Variants in MTHFD1L observed in about 807,000 individuals in gnomAD.
MTHFD1L encodes monofunctional C1-tetrahydrofolate synthase, mitochondrial.
A neutral mutation model predicts 119.5 loss-of-function variants in MTHFD1L; 81 were observed. The observed-to-expected ratio is 0.68, with a 90% CI of 0.57 to 0.82. The LOEUF is 0.82. Ranked by LOEUF, MTHFD1L falls within the 40% of genes least tolerant of loss-of-function variation. The pLI, the probability that MTHFD1L is intolerant of heterozygous loss-of-function variation, is 0.00. For synonymous variants in MTHFD1L, 430 were observed against 475.2 expected (o/e 0.90, Z 1.24); for missense variants, 1,125 against 1,253.4 (o/e 0.90, Z 1.55).
chr6:151,045,248 AC>A (rs560005810), intron 26 of MTHFD1L, among the ~76,000 whole-genome samples: 2 of 151,250 alleles, frequency 1.3e-5, no homozygotes, highest in African/African-American at 2.4e-5. Context: ...TTAAACATTC[AC>A]CCCCCCGCCA....
chr6:151,063,827 A>G (rs59753885), intron 26 of MTHFD1L, among the ~76,000 whole-genome samples: 2,577 of 152,204 alleles, frequency 0.017, 73 homozygotes, highest in African/African-American at 0.056. Flanking sequence ...AGTTAATGAA[A>G]TATTTGAAAA....
chr6:151,088,821 C>T (rs1048790192), intron 26 of MTHFD1L, among the ~76,000 whole-genome samples: 1 of 152,158 alleles, frequency 6.6e-6, no homozygotes, highest in Non-Finnish European at 1.5e-5. Flanking sequence ...TGTTCCGATC[C>T]ACTGCAGCTA....
At chr6:150,976,542 G>A (rs542697160) in intron 20 of MTHFD1L, among the ~76,000 whole-genome samples, 3 of 152,294 alleles carry the variant, frequency 2.0e-5, no homozygotes, top group South Asian at 4.1e-4. Context: ...GTCTGAGCAG[G>A]AATTCATGTT....
chr6:150,880,282 G>A (rs1168556086), intron 4 of MTHFD1L, among the ~76,000 whole-genome samples: 1 of 151,980 alleles, frequency 6.6e-6, no homozygotes, highest in Non-Finnish European at 1.5e-5. Flanking sequence ...TCCAGCCTCT[G>A]GTAACCACCA....
chr6:150,945,604 T>A, intron 15 of MTHFD1L, 63 bp downstream of exon 15: 1 of 1,504,088 alleles, frequency 6.6e-7, no homozygotes, highest in Non-Finnish European at 9.2e-7. Flanking sequence ...AGAAAGATTG[T>A]CAAAGCCTGA....
At chr6:151,081,089 C>G (rs1293322933) in intron 26 of MTHFD1L, among the ~76,000 whole-genome samples, 1 of 152,192 alleles carries the variant, frequency 6.6e-6, no homozygotes. Flanking sequence ...TAAGCCACTT[C>G]TAGACCCAGT....
In MTHFD1L at chr6:150,882,785, C is replaced by T. The variant is rs569968062; in HGVS notation, c.441C>T (p.Ile147=). 6.5e-7 allele frequency: 1 copy of T among 1,537,220 alleles called. No individual in the cohort carries two copies. The highest frequency in any genetic ancestry group is 1.4e-5 in the African/African-American group (1 of 69,816). ...AGATTATAGATGAAATCTTAAAGAT[C>T]AATGAAGATACCAGAGTACATGGCC... ...EAEIIDEILK[I]NEDTRVHGLA... is the part of the protein sequence containing the mutation. Residue 147 remains isoleucine, a synonymous_variant, in exon 5 of 28, where the codon ATC becomes ATT. Coordinates refer to ENST00000367321, the MANE Select transcript of MTHFD1L (RefSeq NM_015440.5).
rs1388529176 is a variant in MTHFD1L, at chr6:150,865,939, CGGCGGT to C, written c.121_126del (p.Gly41_Gly42del). 10 of 1,215,608 alleles carry C rather than the reference CGGCGGT, an allele frequency of 8.2e-6. No individual in the cohort carries two copies. The highest frequency in any genetic ancestry group is 1.6e-5 in the African/African-American group (1 of 62,268). The allele number at this position is 1,215,608 out of a possible 1,614,324, so 75.3% of individuals were successfully genotyped here. A position where few individuals can be genotyped will look rare whatever the true frequency, so the allele number is the denominator to read the frequency against. ...CTAGCAGCGGCGGCGGCGGAGGCGG[CGGCGGT>C]GGCCGGGAGGGCCTGCTTGGACAGC... On this transcript the variant is annotated inframe_deletion, in exon 1 of 28. Transcript: ENST00000367321.
At chr6:150,901,069 G>A (rs536539317) in intron 7 of MTHFD1L, among the ~76,000 whole-genome samples, 96 of 151,998 alleles carry the variant, frequency 6.3e-4, no homozygotes, top group South Asian at 2.9e-3. Flanking sequence ...TCTGAGAAAA[G>A]TGATGTTTTT....
intron 26 of MTHFD1L, among the ~76,000 whole-genome samples, chr6:151,085,955 A>T (rs1209252429): frequency 6.6e-6 from 1 of 151,530 alleles, no homozygotes; most frequent in East Asian, 1.9e-4. Flanking sequence ...GGTCCTGGTC[A>T]CCTGGGTGTC....
chr6:150,938,920 G>GATGAGCTATACTTATATACATATATACTA (rs1243829940), intron 13 of MTHFD1L, among the ~76,000 whole-genome samples, 175 bp downstream of exon 13: 2 of 152,158 alleles, frequency 1.3e-5, no homozygotes, highest in African/African-American at 2.4e-5. Flanking sequence ...AGTATTTACT[G>GATGAGCTATACTTATATACATATATACTA]TGATGAGCTA....
chr6:150,902,029 G>T (rs1403987007), intron 7 of MTHFD1L, among the ~76,000 whole-genome samples: 2 of 151,918 alleles, frequency 1.3e-5, no homozygotes, highest in African/African-American at 4.8e-5. Context: ...ATTCTCATAT[G>T]ATATGAACTG....
chr6:150,982,104 G>C (rs746612669), intron 20 of MTHFD1L, among the ~76,000 whole-genome samples: 2 of 151,664 alleles, frequency 1.3e-5, no homozygotes, highest in Non-Finnish European at 2.9e-5. Context: ...GAAAGAAAGA[G>C]AGAGAGAGAG....
At chr6:150,931,603 C>G (rs191667200) in intron 11 of MTHFD1L, among the ~76,000 whole-genome samples, 4 of 152,174 alleles carry the variant, frequency 2.6e-5, no homozygotes, top group South Asian at 2.1e-4. Flanking sequence ...CCTAAAGATG[C>G]CTGGGATGGA....
chr6:151,015,206 C>CTTTTTTTTT (rs58646889), intron 23 of MTHFD1L, among the ~76,000 whole-genome samples: 37 of 76,908 alleles, frequency 4.8e-4, no homozygotes, highest in African/African-American at 1.6e-3. Flanking sequence ...ATCTCCTTGG[C>CTTTTTTTTT]TTTTTTTTTT....
chr6:151,043,185 T>A (rs1296428184), intron 26 of MTHFD1L, among the ~76,000 whole-genome samples: 1 of 151,180 alleles, frequency 6.6e-6, no homozygotes, highest in Non-Finnish European at 1.5e-5. Flanking sequence ...CATTTGTTCC[T>A]GGGCCCTTCT....
chr6:151,078,722 G>C (rs913544352), intron 26 of MTHFD1L, among the ~76,000 whole-genome samples: 1 of 152,076 alleles, frequency 6.6e-6, no homozygotes, highest in Non-Finnish European at 1.5e-5. Flanking sequence ...AAGCCAGCAG[G>C]GGGGATGGGT....
At chr6:151,065,100 G>C (rs780379318) in intron 26 of MTHFD1L, among the ~76,000 whole-genome samples, 1 of 152,240 alleles carries the variant, frequency 6.6e-6, no homozygotes, top group African/African-American at 2.4e-5. Flanking sequence ...CACCATGCCC[G>C]GCCACTATTC....
At chr6:151,037,601 GA>G (rs1332839437) in intron 26 of MTHFD1L, among the ~76,000 whole-genome samples, 4 of 152,288 alleles carry the variant, frequency 2.6e-5, no homozygotes. Context: ...GGAAATTACT[GA>G]ATCATAGGAG....
Sources: gnomAD v4.1 joint callset for allele counts (sites outside exome capture counted in the v4.1 genomes callset) on GRCh38, gnomAD v4.1.1 for gene constraint, MANE v1.5 for transcripts, NCBI Gene and HGNC (gene_info 2026-07-23, HGNC 2026-07-21) for gene names.